The following RLIG1 variants were observed in gnomAD, a reference collection of about 807,000 sequenced individuals.
RLIG1 encodes RNA ligase 1.
At chr12:88,043,064 A>C in the RLIG1 span, 1 of 419,152 alleles carries the variant, frequency 2.4e-6, no homozygotes, top group East Asian at 3.9e-5. Flanking sequence ...ATATAAAAGG[A>C]TATTATTGAA....
At chr12:88,035,694 G>C in the RLIG1 span, 2 of 1,608,326 alleles carry the variant, frequency 1.2e-6, no homozygotes, top group Non-Finnish European at 1.7e-6. Flanking sequence ...GTGTGTGTTT[G>C]TGACGGAGGT....
At chr12:88,045,404 T>C in the RLIG1 span, 1 of 578,996 alleles carries the variant, frequency 1.7e-6, no homozygotes, top group South Asian at 2.2e-5. Context: ...AAATGAACCC[T>C]TATGATTTTT....
the RLIG1 span, chr12:88,045,581 G>A: frequency 6.2e-7 from 1 of 1,606,096 alleles, no homozygotes; most frequent in Non-Finnish European, 8.5e-7. Flanking sequence ...TTATATGATA[G>A]GTTGGGTACC....
At chr12:88,038,135 T>C in the RLIG1 span, among the ~76,000 whole-genome samples, 2 of 152,144 alleles carry the variant, frequency 1.3e-5, no homozygotes, top group African/African-American at 4.8e-5. Flanking sequence ...TCTTGAGTAC[T>C]CATGGTGCAA....
chr12:88,047,064 G>T, the RLIG1 span: 2 of 1,260,658 alleles, frequency 1.6e-6, no homozygotes, highest in Non-Finnish European at 2.2e-6. Context: ...CTCTACAAAT[G>T]GCAGCAATTC....
the RLIG1 span, chr12:88,046,802 C>T: frequency 6.3e-7 from 1 of 1,595,422 alleles, no homozygotes; most frequent in South Asian, 1.1e-5. Context: ...AATTTTCCCA[C>T]TTAGGGTTAG....
chr12:88,039,882 G>A, the RLIG1 span, among the ~76,000 whole-genome samples: 1 of 152,158 alleles, frequency 6.6e-6, no homozygotes. Context: ...GCCTTTGCTA[G>A]GGATGCAGCA....
the RLIG1 span, among the ~76,000 whole-genome samples, chr12:88,047,351 A>G: frequency 6.6e-6 from 1 of 152,078 alleles, no homozygotes; most frequent in Non-Finnish European, 1.5e-5. Context: ...TATATACAGA[A>G]TGAATTATCT....
At chr12:88,046,574 C>G in the RLIG1 span, among the ~76,000 whole-genome samples, 1 of 152,118 alleles carries the variant, frequency 6.6e-6, no homozygotes, top group Non-Finnish European at 1.5e-5. Flanking sequence ...TCTGTCCAGA[C>G]TTGACCTGCA....
At chr12:88,045,260 A>G in the RLIG1 span, 1 of 210,992 alleles carries the variant, frequency 4.7e-6, no homozygotes, top group South Asian at 8.7e-5. Context: ...CAGAGAGAAA[A>G]CTTATTTTAT....
the RLIG1 span, chr12:88,043,642 G>A: frequency 6.2e-7 from 1 of 1,612,982 alleles, no homozygotes; most frequent in South Asian, 1.1e-5. Context: ...CAGCTCCGGA[G>A]TGCTGGATAC....
chr12:88,048,284 G>A, the RLIG1 span: 1 of 1,597,372 alleles, frequency 6.3e-7, no homozygotes, highest in Non-Finnish European at 8.5e-7. Context: ...ATACTTACAT[G>A]AATTCAAGAC....
the RLIG1 span, chr12:88,042,921 G>T: frequency 2.6e-6 from 4 of 1,539,038 alleles, no homozygotes; most frequent in South Asian, 1.3e-5. Context: ...AACCCAAAAG[G>T]TTAGTTTTTT....
the RLIG1 span, chr12:88,036,140 A>AC: frequency 2.9e-5 from 36 of 1,253,256 alleles, no homozygotes; most frequent in Admixed American, 8.0e-4. Context: ...ATATTAGAAG[A>AC]CTTGCTTTAC....
At chr12:88,043,717 TATC>T in the RLIG1 span, 8 of 1,581,442 alleles carry the variant, frequency 5.1e-6, no homozygotes, top group Admixed American at 8.5e-5. Context: ...ACATTCCTGG[TATC>T]ATGATATCTC....
the RLIG1 span, chr12:88,048,805 T>C: frequency 4.8e-5 from 9 of 188,452 alleles, no homozygotes; most frequent in African/African-American, 2.1e-4. Flanking sequence ...TATATGTGTG[T>C]ATGTCTACAT....
At chr12:88,038,064 CT>C in the RLIG1 span, among the ~76,000 whole-genome samples, 1 of 152,084 alleles carries the variant, frequency 6.6e-6, no homozygotes, top group African/African-American at 2.4e-5. Flanking sequence ...GTGATTCTTA[CT>C]AGTTTTAACG....
the RLIG1 span, chr12:88,036,186 G>A: frequency 2.7e-6 from 2 of 751,728 alleles, no homozygotes; most frequent in South Asian, 1.6e-5. Flanking sequence ...GTTGACAGTA[G>A]CCTAATTAGG....
chr12:88,039,922 G>A, the RLIG1 span, among the ~76,000 whole-genome samples: 46 of 152,278 alleles, frequency 3.0e-4, no homozygotes, highest in African/African-American at 9.4e-4. Flanking sequence ...ATAAAGAAAC[G>A]TAAATAACTA....
Sources: gnomAD v4.1 joint callset for allele counts (sites outside exome capture counted in the v4.1 genomes callset) on GRCh38, gnomAD v4.1.1 for gene constraint, MANE v1.5 for transcripts, NCBI Gene and HGNC (gene_info 2026-07-23, HGNC 2026-07-21) for gene names.